Variants in ZGPAT observed in about 807,000 individuals in gnomAD.
The protein encoded by ZGPAT is zinc finger CCCH-type with G patch domain-containing protein.
A neutral mutation model predicts 47.9 loss-of-function variants in ZGPAT; 39 were observed. The observed-to-expected ratio is 0.81, with a 90% CI of 0.63 to 1.06. The LOEUF (loss-of-function observed/expected upper bound fraction) is 1.06, where lower values mean the gene tolerates loss of function less well. Among genes scored for constraint, ZGPAT ranks in the 50% least tolerant of loss-of-function variants. The pLI, the probability that ZGPAT is intolerant of heterozygous loss-of-function variation, is 0.00. For missense variants in ZGPAT, 717 were observed against 681.4 expected, an observed-to-expected ratio of 1.05 and a Z score of -0.58; for synonymous variants, 348 against 292.9, an observed-to-expected ratio of 1.19 and a Z score of -1.92.
At chr20:63,729,092 T>G (rs1338266015) in intron 2 of ZGPAT, among the ~76,000 whole-genome samples, 1 of 151,246 alleles carries the variant, frequency 6.6e-6, no homozygotes, top group Non-Finnish European at 1.5e-5. Context: ...AGTGCAGTGG[T>G]GCGATCTTGG....
At chr20:63,728,482 G>A (rs1014962422) in intron 2 of ZGPAT, among the ~76,000 whole-genome samples, 6 of 152,224 alleles carry the variant, frequency 3.9e-5, no homozygotes, top group East Asian at 1.9e-4. Context: ...TTCAGAGCAC[G>A]TTGTGAGTTC....
At chr20:63,732,413 T>TGTGTGGGTGAGGGCCTGTGTGTGC (rs2091920341) in intron 2 of ZGPAT, among the ~76,000 whole-genome samples, 1 of 112,860 alleles carries the variant, frequency 8.9e-6, no homozygotes, top group African/African-American at 3.4e-5. Context: ...TGTGTGCGTG[T>TGTGTGGGTGAGGGCCTGTGTGTGC]GTGTGGGTGA....
Position 63,708,931 on chromosome 20 carries a change from G to A in ZGPAT, c.351G>A (p.Gly117=). 1.9e-6 allele frequency: 3 copies of A among 1,612,968 alleles called. No homozygotes were observed. Among genetic ancestry groups the A allele is most frequent in the Non-Finnish European group, 1.7e-6 (2 of 1,179,926 alleles). ...CGGGGCCAGAATCTGCGGCAGGTGG[G>A]CAGGAGGAGGAAGAGGGAGAGGACG... ...AEAGPESAAG[G]QEEEEGEDEE... Residue 117 remains glycine, a synonymous_variant, in exon 2 of 7, where the codon GGG becomes GGA. Transcript: ENST00000355969.
chr20:63,729,630 C>T (rs1289868312), intron 2 of ZGPAT, among the ~76,000 whole-genome samples: 1 of 152,076 alleles, frequency 6.6e-6, no homozygotes, highest in Non-Finnish European at 1.5e-5. Context: ...CTCCATTGAT[C>T]GATTTGCCTG....
chr20:63,714,881 C>G (rs1275808684), intron 2 of ZGPAT, among the ~76,000 whole-genome samples: 1 of 151,976 alleles, frequency 6.6e-6, no homozygotes, highest in African/African-American at 2.4e-5. Flanking sequence ...AGGGCTCAAG[C>G]AATCCTGCCT....
intron 2 of ZGPAT, among the ~76,000 whole-genome samples, chr20:63,728,795 G>C (rs1358178695): frequency 6.6e-6 from 1 of 152,150 alleles, no homozygotes; most frequent in Non-Finnish European, 1.5e-5. Context: ...GCTGGTTTTT[G>C]CAGCCAGCCT....
In ZGPAT at chr20:63,735,323, G is replaced by T; in HGVS notation, c.1156G>T (p.Gly386Trp). The T allele has an allele frequency of 1.3e-6, 2 of 1,580,408 alleles. No individual in the cohort carries two copies. Among genetic ancestry groups the T allele is most frequent in the African/African-American group, 1.4e-5 (1 of 73,840 alleles). The change falls in exon 6 of 7, where the codon GGG (glycine) becomes TGG (tryptophan). Residue 386 changes from glycine (G) to tryptophan (W), a missense_variant. Transcript: ENST00000355969. ...PRCRGRGARP[G>W]GRPAPRNVFD... ...GTGCCGGGGAAGAGGGGCCAGGCCTGGGGGCCGCCCAGCTCCTCGGAATGT... is the reference window on the plus strand; with the variant it reads ...GTGCCGGGGAAGAGGGGCCAGGCCTTGGGGCCGCCCAGCTCCTCGGAATGT...
chr20:63,712,677 C>G (rs530889211), intron 2 of ZGPAT, among the ~76,000 whole-genome samples: 1 of 152,254 alleles, frequency 6.6e-6, no homozygotes, highest in Non-Finnish European at 1.5e-5. Context: ...GGGCATATCA[C>G]TTGAGGTCAG....
At chr20:63,712,345 C>G (rs1476762690) in intron 2 of ZGPAT, among the ~76,000 whole-genome samples, 1 of 152,172 alleles carries the variant, frequency 6.6e-6, no homozygotes, top group African/African-American at 2.4e-5. Flanking sequence ...GCTCTCTCTC[C>G]TGTTCCATTG....
rs767059625 is a variant in ZGPAT, at chr20:63,708,818, C to G, written c.238C>G (p.Gln80Glu). The G allele has an allele frequency of 1.2e-6, 2 of 1,606,306 alleles. No individual in the cohort carries two copies. Among genetic ancestry groups the G allele is most frequent in the South Asian group, 2.2e-5 (2 of 90,458 alleles). ...GGGCCGCCAGGAAGATGCTGAGTAC[C>G]AGGCTTTCCGGGAGGCCATCACTGA... ...RPGRQEDAEYQAFREAITEAV... is the reference protein window; with the variant it reads ...RPGRQEDAEYEAFREAITEAV... Residue 80 changes from glutamine to glutamate, a missense_variant, in exon 2 of 7, where the codon CAG becomes GAG. By Grantham distance (29) the Gln-to-Glu change is conservative. Coordinates refer to ENST00000355969, the MANE Select transcript of ZGPAT (RefSeq NM_181485.3).
intron 2 of ZGPAT, among the ~76,000 whole-genome samples, chr20:63,720,214 G>A (rs2091773467): frequency 1.3e-5 from 2 of 151,380 alleles, no homozygotes; most frequent in South Asian, 4.2e-4. Flanking sequence ...GGAGTGCAAT[G>A]GCTTGATCTT....
intron 2 of ZGPAT, among the ~76,000 whole-genome samples, chr20:63,711,716 G>A (rs144254086): frequency 7.2e-5 from 11 of 152,124 alleles, no homozygotes; most frequent in African/African-American, 2.4e-4. Flanking sequence ...CCAAGTAGCT[G>A]GGATTACAGG....
At chr20:63,732,365 A>T (rs1384159688) in intron 2 of ZGPAT, among the ~76,000 whole-genome samples, 1 of 17,658 alleles carries the variant, frequency 5.7e-5, no homozygotes, top group Non-Finnish European at 1.2e-4. Flanking sequence ...TGCATGTGTC[A>T]GGGTGTGTGT....
intron 2 of ZGPAT, among the ~76,000 whole-genome samples, chr20:63,729,157 G>A (rs1054549487): frequency 2.0e-5 from 3 of 151,432 alleles, no homozygotes; most frequent in South Asian, 2.1e-4. Flanking sequence ...TCGGCCTCCC[G>A]AGTAGCATAA....
chr20:63,715,330 C>G (rs1020259439), intron 2 of ZGPAT, among the ~76,000 whole-genome samples: 4 of 150,958 alleles, frequency 2.6e-5, no homozygotes, highest in Admixed American at 2.0e-4. Context: ...ACCTCCATCT[C>G]CCGGGTTCAA....
At chr20:63,735,625 C>G in intron 6 of ZGPAT, 61 bp downstream of exon 6, 1 of 1,495,386 alleles carries the variant, frequency 6.7e-7, no homozygotes, top group East Asian at 2.3e-5. Flanking sequence ...CCCCGGGATA[C>G]ATGCTGGAGG....
chr20:63,710,575 C>A (rs1164423024), intron 2 of ZGPAT, among the ~76,000 whole-genome samples: 1 of 152,210 alleles, frequency 6.6e-6, no homozygotes, highest in Non-Finnish European at 1.5e-5. Context: ...CCAATGTCGT[C>A]ATTTATTAAT....
At chr20:63,724,362 CTAAAAAAAAAA>C in intron 2 of ZGPAT, among the ~76,000 whole-genome samples, 1 of 34,584 alleles carries the variant, frequency 2.9e-5, no homozygotes, top group East Asian at 3.4e-4. Flanking sequence ...GAGACTCTGC[CTAAAAAAAAAA>C]AAAAAAAGAA....
intron 2 of ZGPAT, among the ~76,000 whole-genome samples, chr20:63,715,876 G>A (rs999163263): frequency 2.0e-5 from 3 of 151,918 alleles, no homozygotes; most frequent in Non-Finnish European, 4.4e-5. Context: ...TTCTTTTGTT[G>A]GAAGTTTATT....
Sources: allele counts gnomAD v4.1 joint callset (sites outside exome capture counted in the v4.1 genomes callset), GRCh38; gene constraint gnomAD v4.1.1; transcripts MANE v1.5; gene names NCBI Gene and HGNC (gene_info 2026-07-23, HGNC 2026-07-21).